CDC73: variants seen among roughly 807,000 people sequenced by gnomAD.
The protein encoded by CDC73 is parafibromin.
A neutral mutation model predicts 83.7 loss-of-function variants in CDC73; 21 were observed. The ratio of observed to expected loss-of-function variants is 0.25; its 90% CI spans 0.18 to 0.36. The LOEUF is 0.36. CDC73 is among the 10% of genes least tolerant of loss of function. The pLI, the probability that CDC73 is intolerant of heterozygous loss-of-function variation, is 1.00. For missense variants in CDC73, 342 were observed against 653.3 expected (o/e 0.52, Z 5.19); for synonymous variants, 224 against 212.9 (o/e 1.05, Z -0.45).
At chr1:193,194,241 A>C (rs1177771793) in intron 10 of CDC73, among the ~76,000 whole-genome samples, 1 of 152,194 alleles carries the variant, frequency 6.6e-6, no homozygotes, top group East Asian at 1.9e-4. Context: ...CATTAGAAAA[A>C]TGAAATTTCA....
At chr1:193,122,968 T>A (rs1046561962) in intron 1 of CDC73, among the ~76,000 whole-genome samples, 5 of 152,160 alleles carry the variant, frequency 3.3e-5, no homozygotes, top group African/African-American at 1.2e-4. Context: ...GTGCGTGTGA[T>A]TTTTCGGAAG....
At chr1:193,135,868 CTT>C (rs1038256301) in intron 5 of CDC73, among the ~76,000 whole-genome samples, 14 of 127,136 alleles carry the variant, frequency 1.1e-4, no homozygotes, top group African/African-American at 8.7e-5. Context: ...CCTTTCTGTT[CTT>C]TTTTTTTTTT....
At chr1:193,212,511 A>G (rs1456049340) in intron 13 of CDC73, 34 bp downstream of exon 13, 3 of 1,238,868 alleles carry the variant, frequency 2.4e-6, no homozygotes, top group Non-Finnish European at 3.5e-6. Context: ...TGTACGTAGG[A>G]TATTGAGATA....
intron 5 of CDC73, among the ~76,000 whole-genome samples, chr1:193,137,507 C>T (rs1041825122): frequency 1.3e-5 from 2 of 152,162 alleles, no homozygotes; most frequent in Non-Finnish European, 2.9e-5. Flanking sequence ...TACTTGACAT[C>T]ATAATATGTG....
chr1:193,142,225 T>C (rs1442940261), intron 7 of CDC73, among the ~76,000 whole-genome samples, 159 bp downstream of exon 7: 2 of 152,186 alleles, frequency 1.3e-5, no homozygotes, highest in African/African-American at 4.8e-5. Context: ...CAGATGGCCA[T>C]TTTTACCATT....
chr1:193,236,234 C>T (rs1048707069), intron 14 of CDC73, 22 bp from the exon 15 acceptor site: 3 of 1,499,242 alleles, frequency 2.0e-6, no homozygotes, highest in Non-Finnish European at 2.8e-6. Flanking sequence ...CTACCTCCCC[C>T]CACCCACTTT....
In CDC73 at chr1:193,239,801, A is replaced by G. The variant is rs150831763; in HGVS notation, c.1417+3445A>G. Reference sequence around the variant, plus strand: ...AGAAATATATAATACATTATTGTTAAGTATAGCCTCCTACTCTGCTTTTGA... The same window carrying G: ...AGAAATATATAATACATTATTGTTAGGTATAGCCTCCTACTCTGCTTTTGA... On this transcript the variant is annotated intron_variant, in intron 15 of 16. Coordinates refer to ENST00000367435, the MANE Select transcript of CDC73 (RefSeq NM_024529.5). Among the ~76,000 whole-genome samples the G allele has an allele frequency of 2.0e-3, 299 of 152,278 alleles. 1 individual carries two copies. Among genetic ancestry groups the G allele is most frequent in the African/African-American group, 6.8e-3 (281 of 41,564 alleles).
chr1:193,247,769 C>A (rs969834041), intron 15 of CDC73, among the ~76,000 whole-genome samples: 1 of 152,084 alleles, frequency 6.6e-6, no homozygotes, highest in African/African-American at 2.4e-5. Context: ...AAGCCAGAGC[C>A]TGATCCTGAG....
intron 10 of CDC73, among the ~76,000 whole-genome samples, chr1:193,183,529 G>A (rs1013590017): frequency 2.7e-5 from 4 of 150,834 alleles, no homozygotes; most frequent in East Asian, 3.9e-4. Flanking sequence ...TGTAAGCTAA[G>A]CTGAAAATAA....
At chr1:193,230,457 A>ATTTTTT (rs752027731) in intron 13 of CDC73, among the ~76,000 whole-genome samples, 10 of 90,718 alleles carry the variant, frequency 1.1e-4, no homozygotes, top group Non-Finnish European at 1.6e-4. Flanking sequence ...CTAATCCCGT[A>ATTTTTT]TTTTTTTTTT....
chr1:193,135,624 A>T, intron 5 of CDC73, 35 bp downstream of exon 5: 1 of 1,486,694 alleles, frequency 6.7e-7, no homozygotes, highest in Non-Finnish European at 9.3e-7. Context: ...TTTTATTTAT[A>T]TTGTTATTGA....
chr1:193,184,761 A>G (rs1404665635), intron 10 of CDC73, among the ~76,000 whole-genome samples: 7 of 151,950 alleles, frequency 4.6e-5, no homozygotes, highest in Non-Finnish European at 1.0e-4. Context: ...ACTATTTATT[A>G]TTAGTCTTTA....
chr1:193,212,180 A>G, intron 12 of CDC73, 80 bp downstream of exon 12: 2 of 1,166,784 alleles, frequency 1.7e-6, no homozygotes, highest in Non-Finnish European at 2.5e-6. Context: ...TTTCTTGTGC[A>G]GCTGTATCAC....
chr1:193,245,457 A>AT (rs150615737), intron 15 of CDC73, among the ~76,000 whole-genome samples: 8,165 of 152,018 alleles, frequency 0.054, 519 homozygotes, highest in African/African-American at 0.15. Context: ...ACAGGATTTC[A>AT]TTTTTTTATG....
intron 10 of CDC73, among the ~76,000 whole-genome samples, chr1:193,201,447 C>T (rs1677090465): frequency 6.6e-6 from 1 of 152,210 alleles, no homozygotes; most frequent in Non-Finnish European, 1.5e-5. Context: ...GGGTCATCAT[C>T]ATCAGTGATT....
At chr1:193,217,707 G>A (rs1248134863) in intron 13 of CDC73, among the ~76,000 whole-genome samples, 1 of 152,138 alleles carries the variant, frequency 6.6e-6, no homozygotes, top group African/African-American at 2.4e-5. Context: ...GGGGCATGGC[G>A]AGCTAGGGTG....
In CDC73 at chr1:193,252,175, A is replaced by G. The variant is rs558363194; in HGVS notation, c.*1463A>G. 2 of 231,038 alleles carry G rather than the reference A, an allele frequency of 8.7e-6. No individual in the cohort carries two copies. The highest frequency in any genetic ancestry group is 1.7e-5 in the Non-Finnish European group (2 of 116,654). The allele number at this position is 231,038 out of a possible 1,614,324, so 14.3% of individuals were successfully genotyped here. A position where few individuals can be genotyped will look rare whatever the true frequency, so the allele number is the denominator to read the frequency against. ...GGCTCTTCAGAAGGGAACAGTCAGC[A>G]TTTTAAATTACTAGATTTTAGCATA... On this transcript the variant is annotated 3_prime_UTR_variant, in exon 17 of 17. Coordinates refer to ENST00000367435, the MANE Select transcript of CDC73 (RefSeq NM_024529.5).
intron 10 of CDC73, among the ~76,000 whole-genome samples, chr1:193,167,758 T>C (rs919585255): frequency 6.6e-6 from 1 of 152,174 alleles, no homozygotes; most frequent in African/African-American, 2.4e-5. Flanking sequence ...AATATTTATA[T>C]TGTATTCTTT....
chr1:193,127,375 G>A (rs763945612), intron 2 of CDC73, among the ~76,000 whole-genome samples: 6 of 151,112 alleles, frequency 4.0e-5, no homozygotes, highest in Admixed American at 1.3e-4. Context: ...AAACCATAAG[G>A]CTTCTGCTTT....
Sources: gnomAD v4.1 joint callset for allele counts (sites outside exome capture counted in the v4.1 genomes callset) on GRCh38, gnomAD v4.1.1 for gene constraint, MANE v1.5 for transcripts, NCBI Gene and HGNC (gene_info 2026-07-23, HGNC 2026-07-21) for gene names.